The following VRK1 variants were observed in gnomAD, a reference collection of about 807,000 sequenced individuals.
VRK1 encodes serine/threonine-protein kinase VRK1.
A neutral mutation model predicts 57.1 loss-of-function variants in VRK1; 33 were observed. The ratio of observed to expected loss-of-function variants is 0.58; its 90% CI spans 0.44 to 0.77. The LOEUF (loss-of-function observed/expected upper bound fraction) is 0.77, where lower values mean the gene tolerates loss of function less well. VRK1 is among the 30% of genes least tolerant of loss of function. The probability of loss-of-function intolerance (pLI) is 0.00; values close to 1 mark genes in which losing one functional copy is unlikely to be tolerated. For missense variants in VRK1, 413 were observed against 477.3 expected (o/e 0.87, Z 1.25); for synonymous variants, 137 against 147.8 (o/e 0.93, Z 0.53).
At chr14:96,871,289 CCTTT>C (rs1888812271) in intron 11 of VRK1, among the ~76,000 whole-genome samples, 1 of 152,182 alleles carries the variant, frequency 6.6e-6, no homozygotes, top group African/African-American at 2.4e-5. Flanking sequence ...AGTTGTACTT[CCTTT>C]CTATCTCCAG....
At chr14:96,829,683 T>C (rs1402797389) in intron 1 of VRK1, among the ~76,000 whole-genome samples, 1 of 152,222 alleles carries the variant, frequency 6.6e-6, no homozygotes, top group African/African-American at 2.4e-5. Context: ...GTTAACAAAA[T>C]CAAGTATCAC....
At chr14:96,817,303 GAA>G (rs1886431278) in intron 1 of VRK1, among the ~76,000 whole-genome samples, 1 of 151,950 alleles carries the variant, frequency 6.6e-6, no homozygotes, top group Non-Finnish European at 1.5e-5. Flanking sequence ...TAAATACTAA[GAA>G]AATTTGCCTT....
chr14:96,848,437 C>T (rs1442361121), intron 5 of VRK1, among the ~76,000 whole-genome samples: 1 of 152,014 alleles, frequency 6.6e-6, no homozygotes, highest in South Asian at 2.1e-4. Flanking sequence ...GATGGAATGC[C>T]GGAACCAAAT....
At chr14:96,846,852 T>C (rs990694549) in intron 4 of VRK1, among the ~76,000 whole-genome samples, 15 of 152,038 alleles carry the variant, frequency 9.9e-5, no homozygotes, top group African/African-American at 3.6e-4. Context: ...TGAGATAAAG[T>C]ATATAAGAGG....
chr14:96,800,021 A>G (rs2139673712), intron 1 of VRK1, among the ~76,000 whole-genome samples: 1 of 152,090 alleles, frequency 6.6e-6, no homozygotes, highest in African/African-American at 2.4e-5. Flanking sequence ...GCGCCTTTGA[A>G]AAACTGCACT....
At chr14:96,878,621 G>A (rs1225318841) in intron 12 of VRK1, among the ~76,000 whole-genome samples, 2 of 152,050 alleles carry the variant, frequency 1.3e-5, no homozygotes, top group Non-Finnish European at 2.9e-5. Context: ...GAATAGTTGG[G>A]GGTCTATTGT....
chr14:96,858,490 T>C (rs1381687782), intron 10 of VRK1, among the ~76,000 whole-genome samples: 1 of 152,212 alleles, frequency 6.6e-6, no homozygotes, highest in African/African-American at 2.4e-5. Flanking sequence ...TGCTCTTAGG[T>C]CGTCTCCAAT....
intron 3 of VRK1, among the ~76,000 whole-genome samples, chr14:96,842,504 A>G (rs1887505019): frequency 6.6e-6 from 1 of 152,226 alleles, no homozygotes; most frequent in African/African-American, 2.4e-5. Flanking sequence ...TATATATAGT[A>G]TGAAGGTTGT....
At chr14:96,824,144 A>G in intron 1 of VRK1, among the ~76,000 whole-genome samples, 1 of 152,208 alleles carries the variant, frequency 6.6e-6, no homozygotes, top group East Asian at 1.9e-4. Flanking sequence ...ATTTATTTTC[A>G]CATAATAAAA....
chr14:96,877,523 C>T, intron 12 of VRK1: 1 of 1,289,460 alleles, frequency 7.8e-7, no homozygotes, highest in South Asian at 1.2e-5. Flanking sequence ...TCCCAAGGAG[C>T]AATACATCGA....
At chr14:96,802,756 C>T (rs1159425631) in intron 1 of VRK1, among the ~76,000 whole-genome samples, 1 of 152,194 alleles carries the variant, frequency 6.6e-6, no homozygotes, top group African/African-American at 2.4e-5. Flanking sequence ...TGTCACTTTC[C>T]TGCTTTTGAT....
At chr14:96,819,562 A>C (rs1240155772) in intron 1 of VRK1, among the ~76,000 whole-genome samples, 1 of 152,216 alleles carries the variant, frequency 6.6e-6, no homozygotes, top group African/African-American at 2.4e-5. Flanking sequence ...TGTGAATTTT[A>C]AATCATTATA....
intron 1 of VRK1, among the ~76,000 whole-genome samples, chr14:96,827,835 T>C (rs1351133127): frequency 6.6e-6 from 1 of 152,222 alleles, no homozygotes; most frequent in Non-Finnish European, 1.5e-5. Context: ...GTACCTTACT[T>C]ACTGTGTTAA....
chr14:96,858,519 G>A (rs1445585360), intron 10 of VRK1, among the ~76,000 whole-genome samples: 1 of 152,172 alleles, frequency 6.6e-6, no homozygotes. Context: ...GTTGCAGCTT[G>A]CCAATTATGC....
At chr14:96,807,349 G>A (rs866723861) in intron 1 of VRK1, among the ~76,000 whole-genome samples, 1 of 152,196 alleles carries the variant, frequency 6.6e-6, no homozygotes, top group Non-Finnish European at 1.5e-5. Flanking sequence ...TGTGAAAATA[G>A]TCATCAAGTA....
chr14:96,852,627 C>T (rs1887995116), intron 5 of VRK1, among the ~76,000 whole-genome samples: 1 of 152,108 alleles, frequency 6.6e-6, no homozygotes, highest in Non-Finnish European at 1.5e-5. Context: ...AAGAGGCCCT[C>T]CAGGTAAAAA....
intron 11 of VRK1, among the ~76,000 whole-genome samples, chr14:96,868,152 C>T (rs968305023): frequency 1.3e-5 from 2 of 152,044 alleles, no homozygotes; most frequent in Non-Finnish European, 2.9e-5. Context: ...AATTTGTGGC[C>T]AGATAGCTTG....
chr14:96,811,533 A>G (rs1886205107), intron 1 of VRK1, among the ~76,000 whole-genome samples: 1 of 152,198 alleles, frequency 6.6e-6, no homozygotes. Context: ...GGAAAGTGGC[A>G]TACGTTCCAA....
At chr14:96,845,035 A>C (rs944349959) in intron 3 of VRK1, among the ~76,000 whole-genome samples, 4 of 152,186 alleles carry the variant, frequency 2.6e-5, no homozygotes, top group Non-Finnish European at 5.9e-5. Flanking sequence ...CACTCATTTA[A>C]GGTAGTAGGC....
Sources: allele counts gnomAD v4.1 joint callset (sites outside exome capture counted in the v4.1 genomes callset), GRCh38; gene constraint gnomAD v4.1.1; transcripts MANE v1.5; gene names NCBI Gene and HGNC (gene_info 2026-07-23, HGNC 2026-07-21).